The following ZMIZ1 variants were observed in gnomAD, a reference collection of about 807,000 sequenced individuals.
The protein encoded by ZMIZ1 is zinc finger MIZ-type containing 1.
Under a neutral mutation model 113.9 loss-of-function variants are expected in ZMIZ1, and 17 were observed. That is an observed-to-expected ratio of 0.15 (90% confidence interval 0.10 to 0.22). ZMIZ1 has a LOEUF of 0.22. Among genes scored for constraint, ZMIZ1 ranks in the 10% least tolerant of loss-of-function variants. The pLI, the probability that ZMIZ1 is intolerant of heterozygous loss-of-function variation, is 1.00. For synonymous variants in ZMIZ1, 607 were observed against 603.1 expected (o/e 1.01, Z -0.09); for missense variants, 1,059 against 1,477.8 (o/e 0.72, Z 4.65).
chr10:79,119,575 C>T (rs915948498), intron 2 of ZMIZ1, among the ~76,000 whole-genome samples: 2 of 152,222 alleles, frequency 1.3e-5, no homozygotes, highest in Non-Finnish European at 2.9e-5. Flanking sequence ...TCCAGTGCGC[C>T]AGCCACTGCC....
chr10:79,244,451 GC>G (rs2132851256), intron 7 of ZMIZ1, among the ~76,000 whole-genome samples: 2 of 152,352 alleles, frequency 1.3e-5, no homozygotes, highest in South Asian at 4.1e-4. Context: ...TCGAAGCCAA[GC>G]CATGGTGCGG....
chr10:79,125,264 G>A (rs1844467393), intron 2 of ZMIZ1, among the ~76,000 whole-genome samples: 1 of 152,372 alleles, frequency 6.6e-6, no homozygotes, highest in East Asian at 1.9e-4. Context: ...TCAGCTCAGA[G>A]CTTGGGGCAG....
At chr10:79,290,597 G>T in intron 9 of ZMIZ1, 3 of 415,658 alleles carry the variant, frequency 7.2e-6, no homozygotes, top group Non-Finnish European at 1.4e-5. Context: ...TCGTTTGTGG[G>T]GCAGTAGGCT....
Position 79,205,004 on chromosome 10 carries a change from C to T in ZMIZ1, c.60+3312C>T, listed in dbSNP as rs61851386. Among the ~76,000 whole-genome samples, 1,219 of 150,276 alleles carry T rather than the reference C, an allele frequency of 8.1e-3. 18 individuals carry two copies. Among genetic ancestry groups the T allele is most frequent in the Non-Finnish European group, 0.011 (746 of 67,864 alleles). On this transcript the variant is annotated intron_variant, in intron 5 of 24. Coordinates refer to ENST00000334512, the MANE Select transcript of ZMIZ1 (RefSeq NM_020338.4). ...GGATGGATGGATGGATGGATACACG[C>T]ATAGATGGATGAATGGATGAATCAC...
At chr10:79,266,979 G>A (rs1851643454) in intron 7 of ZMIZ1, among the ~76,000 whole-genome samples, 1 of 152,266 alleles carries the variant, frequency 6.6e-6, no homozygotes, top group South Asian at 2.1e-4. Context: ...CAGTGGAATG[G>A]GGCTGAGGAG....
intron 2 of ZMIZ1, among the ~76,000 whole-genome samples, chr10:79,123,930 G>A (rs967828608): frequency 5.3e-5 from 8 of 152,350 alleles, no homozygotes; most frequent in East Asian, 1.9e-4. Context: ...AATCTTCAGC[G>A]CCAGCTGAGA....
At position 79,167,197 on chromosome 10, in the gene ZMIZ1, G is replaced by T. The variant is rs11002856; in HGVS notation, c.-50+5064G>T. On this transcript the variant is annotated intron_variant, in intron 4 of 24. Coordinates refer to ENST00000334512, the MANE Select transcript of ZMIZ1 (RefSeq NM_020338.4). ...GCCTTCCTTCGACACTCTTCTTGCC[G>T]TTTAAAGTGTGCATCAGACTGCCCA... Among the ~76,000 whole-genome samples, 594 of 152,336 alleles carry T rather than the reference G, an allele frequency of 3.9e-3. 3 individuals are homozygous for T. The highest frequency in any genetic ancestry group is 0.014 in the African/African-American group (572 of 41,576).
At chr10:79,260,552 A>G (rs1014609124) in intron 7 of ZMIZ1, among the ~76,000 whole-genome samples, 6 of 152,220 alleles carry the variant, frequency 3.9e-5, no homozygotes, top group Admixed American at 6.5e-5. Flanking sequence ...ACCCAAAGCC[A>G]CCAGCAGTGG....
At chr10:79,278,487 G>A (rs1057300177) in intron 8 of ZMIZ1, among the ~76,000 whole-genome samples, 5 of 151,408 alleles carry the variant, frequency 3.3e-5, no homozygotes, top group Non-Finnish European at 7.4e-5. Context: ...TTCTCGGAGA[G>A]GGGGATTTGG....
In ZMIZ1 at chr10:79,277,337, G is replaced by C. The variant is rs187294077; in HGVS notation, c.425+12G>C. ...ACTCTGTCGCACAGGTAAGTGGGTG[G>C]GTGCCATGGGTGCAGGTACTGAGCA... On this transcript the variant is annotated intron_variant, in intron 8 of 24. Coordinates refer to ENST00000334512, the MANE Select transcript of ZMIZ1 (RefSeq NM_020338.4). The C allele has an allele frequency of 8.0e-5, 127 of 1,588,438 alleles. No homozygotes were observed. The African/African-American group carries it at 1.5e-3, about 18-fold the overall frequency.
intron 1 of ZMIZ1, among the ~76,000 whole-genome samples, chr10:79,108,318 G>A (rs770169015): frequency 2.4e-4 from 37 of 152,256 alleles, no homozygotes; most frequent in South Asian, 2.3e-3. Context: ...GGACTCATCC[G>A]AGGTGGAGCT....
chr10:79,123,455 T>G (rs1318443073), intron 2 of ZMIZ1, among the ~76,000 whole-genome samples: 1 of 152,152 alleles, frequency 6.6e-6, no homozygotes, highest in South Asian at 2.1e-4. Flanking sequence ...TGGTTAGTGC[T>G]TTCTGGCACT....
intron 5 of ZMIZ1, among the ~76,000 whole-genome samples, chr10:79,207,370 C>T (rs1848357106): frequency 6.6e-6 from 1 of 152,252 alleles, no homozygotes; most frequent in Non-Finnish European, 1.5e-5. Flanking sequence ...AGCCCCATCC[C>T]AGAATCTCAC....
At chr10:79,268,330 G>A (rs1372611532) in intron 7 of ZMIZ1, among the ~76,000 whole-genome samples, 1 of 152,214 alleles carries the variant, frequency 6.6e-6, no homozygotes, top group East Asian at 1.9e-4. Context: ...TTTGAGGACA[G>A]CACCAGTCTC....
At chr10:79,292,874 G>A in intron 11 of ZMIZ1, 1 of 463,276 alleles carries the variant, frequency 2.2e-6, no homozygotes, top group South Asian at 1.5e-5. Flanking sequence ...GTGAGGAGGT[G>A]GGAACTGCAG....
intron 1 of ZMIZ1, among the ~76,000 whole-genome samples, chr10:79,110,195 G>T (rs950541004): frequency 6.6e-6 from 1 of 152,226 alleles, no homozygotes; most frequent in African/African-American, 2.4e-5. Context: ...TTTCCAGCAG[G>T]CATGTTCGTA....
chr10:79,118,908 C>G lies in ZMIZ1; in HGVS notation c.-336-7C>G, dbSNP rs1391532782. The G allele has an allele frequency of 6.6e-6, 1 of 152,430 alleles. No individual in the cohort carries two copies. 9.4% of individuals were successfully genotyped at this position (152,430 alleles called of 1,614,324 possible). A position where few individuals can be genotyped will look rare whatever the true frequency, so the allele number is the denominator to read the frequency against. Reference sequence around the variant, plus strand: ...GAGCTCACTGCCCCCTTTCTTGTCTCCCATAGGACTCACGGCAGCTGTGTT... The same window carrying G: ...GAGCTCACTGCCCCCTTTCTTGTCTGCCATAGGACTCACGGCAGCTGTGTT... On this transcript the variant is annotated splice_polypyrimidine_tract_variant and splice_region_variant and intron_variant, in intron 1 of 24. Transcript: ENST00000334512. This position sits in a 1 kb window ranked among gnomAD's most constrained non-coding sequence, Gnocchi z 4.1.
intron 4 of ZMIZ1, among the ~76,000 whole-genome samples, chr10:79,199,351 C>CA (rs1847974268): frequency 2.0e-5 from 3 of 151,550 alleles, no homozygotes; most frequent in African/African-American, 4.9e-5. Context: ...GCTAAAAATA[C>CA]AAAAAATTAG....
chr10:79,119,825 A>G (rs1844207759), intron 2 of ZMIZ1, among the ~76,000 whole-genome samples: 1 of 152,042 alleles, frequency 6.6e-6, no homozygotes, highest in Non-Finnish European at 1.5e-5. Context: ...GGCCCCCTCT[A>G]GAGGAGGGGT....
Sources: gnomAD v4.1 joint callset for allele counts (sites outside exome capture counted in the v4.1 genomes callset) on GRCh38, gnomAD v4.1.1 for gene constraint, Gnocchi (gnomAD v3.1) non-coding constraint, MANE v1.5 for transcripts, NCBI Gene and HGNC (gene_info 2026-07-23, HGNC 2026-07-21) for gene names.